LINGO2: variants seen among roughly 807,000 people sequenced by gnomAD.
LINGO2 encodes the protein leucine rich repeat and Ig domain containing 2.
Under a neutral mutation model 30.6 loss-of-function variants are expected in LINGO2, and 14 were observed. That is an observed-to-expected ratio of 0.46 (90% confidence interval 0.30 to 0.72). The LOEUF is 0.72. Among genes scored for constraint, LINGO2 ranks in the 30% least tolerant of loss-of-function variants. The pLI is 0.07. For missense variants in LINGO2, 729 were observed against 751.7 expected, an observed-to-expected ratio of 0.97 and a Z score of 0.35; for synonymous variants, 317 against 288.5, an observed-to-expected ratio of 1.10 and a Z score of -1.00.
intron 3 of LINGO2, among the ~76,000 whole-genome samples, chr9:28,334,816 T>C (rs1825536524): frequency 6.6e-6 from 1 of 152,120 alleles, no homozygotes; most frequent in Admixed American, 6.6e-5. Flanking sequence ...CAGTGGGCAT[T>C]GTGATTGTAT....
the LINGO2 span, among the ~76,000 whole-genome samples, chr9:29,021,466 G>C: frequency 6.6e-6 from 1 of 152,070 alleles, no homozygotes; most frequent in Non-Finnish European, 1.5e-5. Context: ...GACCAGCCTG[G>C]CCAACATAGT....
chr9:28,347,247 C>A (rs1477044341), intron 3 of LINGO2, among the ~76,000 whole-genome samples: 1 of 152,046 alleles, frequency 6.6e-6, no homozygotes, highest in Non-Finnish European at 1.5e-5. Flanking sequence ...CCTATTATAG[C>A]CTTTATTGGA....
At chr9:28,975,779 T>C in the LINGO2 span, among the ~76,000 whole-genome samples, 1 of 152,174 alleles carries the variant, frequency 6.6e-6, no homozygotes, top group South Asian at 2.1e-4. Context: ...AAATTGATAA[T>C]CTAAAGATAG....
chr9:28,710,750 C>A, the LINGO2 span, among the ~76,000 whole-genome samples: 1 of 152,072 alleles, frequency 6.6e-6, no homozygotes, highest in Admixed American at 6.6e-5. Context: ...CCTTGATTAA[C>A]CCTCCAATTA....
intron 5 of LINGO2, among the ~76,000 whole-genome samples, chr9:27,958,632 T>G (rs28576023): frequency 0.089 from 13,546 of 152,132 alleles, 2,013 homozygotes; most frequent in African/African-American, 0.31. Flanking sequence ...TTTAAAATCT[T>G]GTATTGTGGA....
intron 1 of LINGO2, among the ~76,000 whole-genome samples, chr9:28,533,422 TAA>T (rs1821311413): frequency 6.6e-6 from 1 of 152,078 alleles, no homozygotes; most frequent in Non-Finnish European, 1.5e-5. Flanking sequence ...CAACACTCCT[TAA>T]AAATCTCCCC....
chr9:29,139,956 T>C, the LINGO2 span, among the ~76,000 whole-genome samples: 1 of 151,324 alleles, frequency 6.6e-6, no homozygotes, highest in Non-Finnish European at 1.5e-5. Flanking sequence ...GAGCAAGAGA[T>C]TACGAGTTCT....
chr9:28,281,225 AT>A (rs1282019521), intron 4 of LINGO2, among the ~76,000 whole-genome samples: 1 of 152,068 alleles, frequency 6.6e-6, no homozygotes, highest in Non-Finnish European at 1.5e-5. Flanking sequence ...AGATAACTTT[AT>A]TTTTTTAAAA....
the LINGO2 span, among the ~76,000 whole-genome samples, chr9:29,115,281 AT>A: frequency 7.2e-5 from 11 of 152,058 alleles, no homozygotes; most frequent in African/African-American, 2.7e-4. Flanking sequence ...ATTTTTATGT[AT>A]TTTTTTCTAA....
At chr9:27,986,016 G>A (rs1347207721) in intron 5 of LINGO2, among the ~76,000 whole-genome samples, 1 of 151,836 alleles carries the variant, frequency 6.6e-6, no homozygotes, top group Non-Finnish European at 1.5e-5. Context: ...GTTATTCTCA[G>A]AAATTCCTTT....
chr9:28,099,705 T>G (rs1826353573), intron 4 of LINGO2, among the ~76,000 whole-genome samples: 1 of 152,178 alleles, frequency 6.6e-6, no homozygotes, highest in Admixed American at 6.6e-5. Flanking sequence ...TTAACACTCT[T>G]AACACCCAAA....
chr9:29,154,341 T>C, the LINGO2 span, among the ~76,000 whole-genome samples: 8 of 150,812 alleles, frequency 5.3e-5, no homozygotes, highest in Admixed American at 4.7e-4. Context: ...TCCCAGCTAC[T>C]CGGGAGGCTG....
chr9:27,950,846 G>C, intron 5 of LINGO2, 140 bp from the exon 7 acceptor site: 3 of 422,292 alleles, frequency 7.1e-6, no homozygotes, highest in Non-Finnish European at 1.2e-5. Flanking sequence ...AAACCTGATG[G>C]ACGACCCTCT....
intron 1 of LINGO2, among the ~76,000 whole-genome samples, chr9:28,643,671 T>C (rs1403784897): frequency 6.6e-6 from 1 of 151,544 alleles, no homozygotes; most frequent in Non-Finnish European, 1.5e-5. Flanking sequence ...GTAAGGAAAA[T>C]AACTGGACAA....
chr9:28,362,234 A>ATGTGTGTGCACGCGCG (rs1820478713), intron 3 of LINGO2, among the ~76,000 whole-genome samples: 2 of 150,120 alleles, frequency 1.3e-5, no homozygotes, highest in African/African-American at 4.9e-5. Flanking sequence ...GTGTGTGCGC[A>ATGTGTGTGCACGCGCG]TGCGCATGTG....
the LINGO2 span, among the ~76,000 whole-genome samples, chr9:28,796,994 T>C: frequency 6.6e-6 from 1 of 151,706 alleles, no homozygotes; most frequent in Admixed American, 6.6e-5. Flanking sequence ...TATAAATTAA[T>C]TTGCTTCTAA....
At chr9:28,533,345 A>T (rs185600157) in intron 1 of LINGO2, among the ~76,000 whole-genome samples, 12 of 152,156 alleles carry the variant, frequency 7.9e-5, no homozygotes, top group Admixed American at 5.2e-4. Context: ...GGGGACTCAG[A>T]CGGGCTTCCT....
At chr9:28,681,783 A>G in the LINGO2 span, among the ~76,000 whole-genome samples, 5 of 152,150 alleles carry the variant, frequency 3.3e-5, no homozygotes, top group Non-Finnish European at 5.9e-5. Flanking sequence ...CTGAGTACTA[A>G]GTACTTGTTT....
intron 1 of LINGO2, among the ~76,000 whole-genome samples, chr9:28,579,469 T>C (rs1174817421): frequency 1.3e-5 from 2 of 152,064 alleles, no homozygotes; most frequent in Admixed American, 6.6e-5. Flanking sequence ...AATAAATTTC[T>C]GAAAATAATA....
Sources: allele counts gnomAD v4.1 joint callset (sites outside exome capture counted in the v4.1 genomes callset), GRCh38; gene constraint gnomAD v4.1.1; transcripts MANE v1.5; gene names NCBI Gene and HGNC (gene_info 2026-07-23, HGNC 2026-07-21).